The following CDH18 variants were observed in gnomAD, a reference collection of about 807,000 sequenced individuals.
The protein encoded by CDH18 is cadherin-18.
CDH18 carries 31 observed loss-of-function variants against 67.9 expected under a neutral mutation model. The ratio of observed to expected loss-of-function variants is 0.46; its 90% CI spans 0.34 to 0.62. CDH18 has a LOEUF of 0.62. CDH18 is among the 20% of genes least tolerant of loss of function. CDH18 has a pLI of 0.01. For synonymous variants in CDH18, 362 were observed against 347.2 expected (o/e 1.04, Z -0.48); for missense variants, 890 against 975.5 (o/e 0.91, Z 1.17).
intron 2 of CDH18, among the ~76,000 whole-genome samples, chr5:20,180,440 T>C (rs1737594298): frequency 6.6e-6 from 1 of 152,182 alleles, no homozygotes; most frequent in South Asian, 2.1e-4. Flanking sequence ...ATTAATATCT[T>C]GCTAATCGTA....
At chr5:20,304,394 T>A in intron 1 of CDH18, 1 of 1,419,920 alleles carries the variant, frequency 7.0e-7, no homozygotes, top group Non-Finnish European at 1.0e-6. Context: ...ATCTTCTTCT[T>A]TTACTTCAGT....
At chr5:20,376,659 C>T (rs1045855696) in intron 1 of CDH18, among the ~76,000 whole-genome samples, 3 of 151,904 alleles carry the variant, frequency 2.0e-5, no homozygotes, top group African/African-American at 7.2e-5. Context: ...TAGGAACATG[C>T]CATGATGTTC....
chr5:19,748,283 A>G (rs1378226804), intron 3 of CDH18, among the ~76,000 whole-genome samples: 2 of 151,942 alleles, frequency 1.3e-5, no homozygotes, highest in African/African-American at 2.4e-5. Flanking sequence ...TACTAAAATT[A>G]AAATTATCAA....
intron 3 of CDH18, chr5:19,803,975 G>GTATC (rs1777742671): frequency 1.3e-5 from 2 of 152,274 alleles, no homozygotes; most frequent in African/African-American, 4.8e-5. Context: ...CAAAAAATTA[G>GTATC]CTGGGCGTGG....
At chr5:20,098,936 A>T (rs1445900821) in intron 2 of CDH18, among the ~76,000 whole-genome samples, 1 of 152,156 alleles carries the variant, frequency 6.6e-6, no homozygotes, top group Admixed American at 6.6e-5. Context: ...TTCCATCAAC[A>T]TATTCAGTCT....
At chr5:20,375,935 A>T (rs1743378501) in intron 1 of CDH18, among the ~76,000 whole-genome samples, 1 of 151,888 alleles carries the variant, frequency 6.6e-6, no homozygotes, top group South Asian at 2.1e-4. Context: ...AAAGCTAGTA[A>T]ATTTGACATT....
intron 1 of CDH18, among the ~76,000 whole-genome samples, chr5:20,510,841 T>A (rs2126483419): frequency 6.6e-6 from 1 of 152,240 alleles, no homozygotes; most frequent in African/African-American, 2.4e-5. Context: ...GTTATTAGAA[T>A]ATGCAGATGA....
At chr5:19,876,942 CT>C (rs1258694849) in intron 2 of CDH18, among the ~76,000 whole-genome samples, 7 of 152,216 alleles carry the variant, frequency 4.6e-5, no homozygotes, top group Admixed American at 3.9e-4. Flanking sequence ...CTCATAAAAT[CT>C]TCCCTTGTGA....
chr5:19,680,095 T>C (rs576568947), intron 5 of CDH18, among the ~76,000 whole-genome samples: 109 of 151,974 alleles, frequency 7.2e-4, no homozygotes, highest in African/African-American at 2.5e-3. Context: ...AACAGATACA[T>C]AGACCAATGG....
rs1230403943 is a variant in CDH18 at position 20,217,678 on chromosome 5, A to G, written c.-518+37766T>C. Among the ~76,000 whole-genome samples the G allele has an allele frequency of 5.3e-5, 8 of 151,970 alleles. 1 individual carries two copies. Among genetic ancestry groups the G allele is most frequent in the African/African-American group, 1.7e-4 (7 of 41,538 alleles). ...AGGAGTAAGTCTTTAATTATTATCA[A>G]TAATACCATTGAATATAAATAGACT... On this transcript the variant is annotated intron_variant, in intron 2 of 14. Coordinates refer to the CDH18 transcript ENST00000507958.
chr5:19,514,004 A>G (rs1443340030), intron 10 of CDH18, among the ~76,000 whole-genome samples: 1 of 151,468 alleles, frequency 6.6e-6, no homozygotes. Context: ...CCATTCTCCC[A>G]CCCCATGACA....
chr5:20,186,251 T>C (rs1738092428), intron 2 of CDH18, among the ~76,000 whole-genome samples: 1 of 152,002 alleles, frequency 6.6e-6, no homozygotes, highest in Non-Finnish European at 1.5e-5. Context: ...CAATGATTTT[T>C]TGGATATGAT....
intron 2 of CDH18, among the ~76,000 whole-genome samples, chr5:20,001,854 A>G (rs1736467410): frequency 6.6e-6 from 1 of 152,086 alleles, no homozygotes; most frequent in Non-Finnish European, 1.5e-5. Flanking sequence ...CAGAGTGGCA[A>G]AATTAAAGTG....
At chr5:20,532,119 A>T (rs1325364559) in intron 1 of CDH18, among the ~76,000 whole-genome samples, 1 of 152,264 alleles carries the variant, frequency 6.6e-6, no homozygotes, top group South Asian at 2.1e-4. Context: ...AGGATACAGC[A>T]GCTATTACTA....
At chr5:19,898,887 A>C (rs548197019) in intron 2 of CDH18, among the ~76,000 whole-genome samples, 1 of 152,314 alleles carries the variant, frequency 6.6e-6, no homozygotes, top group South Asian at 2.1e-4. Context: ...AAATGGGAGA[A>C]ATATTTGAAA....
chr5:20,454,174 T>G (rs995265630), intron 1 of CDH18, among the ~76,000 whole-genome samples: 1 of 152,148 alleles, frequency 6.6e-6, no homozygotes, highest in African/African-American at 2.4e-5. Context: ...ATTTAACTAG[T>G]GTCTATTATT....
upstream of CDH18, among the ~76,000 whole-genome samples, chr5:19,992,526 C>T (rs866271630): frequency 4.0e-5 from 6 of 149,432 alleles, no homozygotes; most frequent in Admixed American, 6.7e-5. Context: ...TAGAGTTAAG[C>T]AAATATTTTC....
intron 5 of CDH18, among the ~76,000 whole-genome samples, chr5:19,665,938 C>T (rs1757856815): frequency 6.6e-6 from 1 of 151,792 alleles, no homozygotes; most frequent in African/African-American, 2.4e-5. Flanking sequence ...CATTGTATTG[C>T]TATGCAGGAA....
intron 1 of CDH18, among the ~76,000 whole-genome samples, chr5:20,504,922 C>A (rs10040495): frequency 0.021 from 3,177 of 151,864 alleles, 106 homozygotes; most frequent in African/African-American, 0.074. Context: ...CACCCGCCAC[C>A]ACGCCCGGCT....
Sources: allele counts gnomAD v4.1 joint callset (sites outside exome capture counted in the v4.1 genomes callset), GRCh38; gene constraint gnomAD v4.1.1; transcripts MANE v1.5; gene names NCBI Gene and HGNC (gene_info 2026-07-23, HGNC 2026-07-21).